Variants in CDK5RAP2 observed in about 807,000 individuals in gnomAD.
CDK5RAP2 encodes the protein CDK5 regulatory subunit associated protein 2.
CDK5RAP2 carries 147 observed loss-of-function variants against 232.9 expected under a neutral mutation model. The observed-to-expected ratio is 0.63, with a 90% CI of 0.55 to 0.72. The LOEUF is 0.72. Ranked by LOEUF, CDK5RAP2 falls within the 30% of genes least tolerant of loss-of-function variation. CDK5RAP2 has a pLI of 0.00. For missense variants in CDK5RAP2, 2,195 were observed against 2,231.5 expected (o/e 0.98, Z 0.33); for synonymous variants, 833 against 833.7 (o/e 1.00, Z 0.01).
intron 12 of CDK5RAP2, among the ~76,000 whole-genome samples, chr9:120,515,444 C>T (rs1381591431): frequency 1.3e-5 from 2 of 152,188 alleles, no homozygotes; most frequent in African/African-American, 4.8e-5. Flanking sequence ...TCTTGTATAA[C>T]ATTTTCATCT....
At chr9:120,462,068 A>T (rs1162045600) in intron 18 of CDK5RAP2, among the ~76,000 whole-genome samples, 1 of 152,232 alleles carries the variant, frequency 6.6e-6, no homozygotes, top group Non-Finnish European at 1.5e-5. Flanking sequence ...AAACAAAGGC[A>T]ACTGAGTTCA....
At chr9:120,390,143 T>C (rs917289458) in intron 36 of CDK5RAP2, 3 of 294,292 alleles carry the variant, frequency 1.0e-5, no homozygotes, top group Non-Finnish European at 2.0e-5. Flanking sequence ...GGGAGGGCAA[T>C]GGCGCAGGGA....
chr9:120,542,574 T>C (rs2041681008), intron 5 of CDK5RAP2, among the ~76,000 whole-genome samples: 1 of 151,884 alleles, frequency 6.6e-6, no homozygotes, highest in African/African-American at 2.4e-5. Flanking sequence ...ACAGATACTG[T>C]GTATATACAA....
chr9:120,422,214 T>C (rs1588291076), intron 26 of CDK5RAP2, among the ~76,000 whole-genome samples: 1 of 152,334 alleles, frequency 6.6e-6, no homozygotes. Flanking sequence ...GAATGGACTC[T>C]GAAGAATGAT....
chr9:120,407,047 G>A lies in CDK5RAP2; in HGVS notation c.4928C>T (p.Ser1643Phe), dbSNP rs897500351. ...GALTLAVQAV[S>F]IPEVPLQPDK... ...AGGCTGAAGGGGCACCTCAGGGATG[G>A]ACACGGCTTGGACAGCCAGAGTGAG... is the stretch of plus-strand genomic sequence containing the variant. Residue 1643 changes from serine (S) to phenylalanine (F), a missense_variant, in exon 32 of 38, where the codon TCC becomes TTC. Transcript: ENST00000349780. The A allele has an allele frequency of 1.4e-5, 22 of 1,614,036 alleles. No homozygotes were observed. Among genetic ancestry groups the A allele is most frequent in the Non-Finnish European group, 1.9e-5 (22 of 1,180,014 alleles).
rs1220602164 is a variant in CDK5RAP2 at position 120,389,775 on chromosome 9, T to C, written c.5591A>G (p.His1864Arg). The part of the protein sequence containing the change: ...KVIFDQLVVT[H>R]KILRKARGNL... ...TCCTCTGGCCTTCCGAAGGATTTTG[T>C]GGGTTACGACCACTGAGGAGAGAGC... Residue 1864 changes from histidine (H) to arginine (R), a missense_variant, in exon 37 of 38, where the codon CAC becomes CGC. Coordinates refer to ENST00000349780, the MANE Select transcript of CDK5RAP2 (RefSeq NM_018249.6). 6.2e-7 allele frequency: 1 copy of C among 1,614,120 alleles called. No individual in the cohort carries two copies. Among genetic ancestry groups the C allele is most frequent in the Non-Finnish European group, 8.5e-7 (1 of 1,179,982 alleles).
intron 24 of CDK5RAP2, among the ~76,000 whole-genome samples, chr9:120,437,825 A>G (rs909483400): frequency 6.6e-6 from 1 of 152,240 alleles, no homozygotes; most frequent in African/African-American, 2.4e-5. Flanking sequence ...CTTCAAAAAT[A>G]CTATTCTGAA....
chr9:120,501,590 T>C (rs2039577987), intron 12 of CDK5RAP2, among the ~76,000 whole-genome samples: 1 of 152,208 alleles, frequency 6.6e-6, no homozygotes, highest in Non-Finnish European at 1.5e-5. Context: ...GTGGAGTCTA[T>C]GTCCCCTCCT....
rs2036603652 is a variant in CDK5RAP2 at position 120,453,782 on chromosome 9, TTTTACCATCA to T, written c.2457_2466del (p.Asp820LeufsTer27). The T allele has an allele frequency of 6.2e-7, 1 of 1,614,176 alleles. No homozygotes were observed. Among genetic ancestry groups the T allele is most frequent in the Admixed American group, 1.7e-5 (1 of 60,030 alleles). On this transcript the variant is annotated frameshift_variant, in exon 21 of 38. Coordinates refer to ENST00000349780, the MANE Select transcript of CDK5RAP2 (RefSeq NM_018249.6). LOFTEE classifies it high-confidence loss of function. Reference sequence around the variant, plus strand: ...CCTTTTTGCTTAGGTGTCTTCTCAGTTTTACCATCAAGGTGTTCTCCAGAAACTTCCTGCT... The same window carrying T: ...CCTTTTTGCTTAGGTGTCTTCTCAGTAGGTGTTCTCCAGAAACTTCCTGCT...
intron 3 of CDK5RAP2, among the ~76,000 whole-genome samples, chr9:120,554,998 G>C (rs2042172673): frequency 1.3e-5 from 2 of 152,042 alleles, no homozygotes; most frequent in Admixed American, 1.3e-4. Flanking sequence ...CATGTACTAA[G>C]ACATAAGACA....
At chr9:120,520,111 A>T (rs1184538081) in intron 11 of CDK5RAP2, among the ~76,000 whole-genome samples, 1 of 152,226 alleles carries the variant, frequency 6.6e-6, no homozygotes, top group East Asian at 1.9e-4. Flanking sequence ...TCTATTTTTT[A>T]AATTATTATT....
At position 120,394,502 on chromosome 9, in the gene CDK5RAP2, A is replaced by G. The variant is rs1342147139; in HGVS notation, c.5578+10T>C. ...GGTCAGGCATAGCGGCCACCCCCACACTCACTCACATTGATCAAAGATGAC... is the reference window on the plus strand; with the variant it reads ...GGTCAGGCATAGCGGCCACCCCCACGCTCACTCACATTGATCAAAGATGAC... On this transcript the variant is annotated intron_variant, in intron 36 of 37. Transcript: ENST00000349780. 2 of 1,613,914 alleles carry G rather than the reference A, an allele frequency of 1.2e-6. No individual in the cohort carries two copies. The highest frequency in any genetic ancestry group is 8.5e-7 in the Non-Finnish European group (1 of 1,179,892).
chr9:120,545,598 T>A, intron 5 of CDK5RAP2, 116 bp downstream of exon 5: 1 of 814,600 alleles, frequency 1.2e-6, no homozygotes, highest in Non-Finnish European at 2.2e-6. Context: ...AAAAACCTCC[T>A]TGCAGTCCTC....
chr9:120,410,495 G>A (rs16909766), intron 29 of CDK5RAP2, among the ~76,000 whole-genome samples: 3,770 of 152,158 alleles, frequency 0.025, 165 homozygotes, highest in African/African-American at 0.086. Flanking sequence ...TAACTTTATC[G>A]TGGCTGAGGT....
intron 24 of CDK5RAP2, 57 bp downstream of exon 24, chr9:120,439,342 G>T: frequency 7.2e-7 from 1 of 1,395,280 alleles, no homozygotes; most frequent in Non-Finnish European, 1.0e-6. Flanking sequence ...CTCCCACCTA[G>T]TGGCAATACT....
chr9:120,425,729 G>A (rs1017904615), intron 25 of CDK5RAP2, among the ~76,000 whole-genome samples: 2 of 152,190 alleles, frequency 1.3e-5, no homozygotes, highest in Admixed American at 1.3e-4. Context: ...TCTCCTACAT[G>A]ACCCAGATGT....
At chr9:120,475,100 C>T (rs2037929914) in intron 15 of CDK5RAP2, among the ~76,000 whole-genome samples, 1 of 152,198 alleles carries the variant, frequency 6.6e-6, no homozygotes, top group Non-Finnish European at 1.5e-5. Context: ...CTAGTTTCAA[C>T]ACAACCCTGT....
At chr9:120,500,749 T>C (rs1418858686) in intron 12 of CDK5RAP2, among the ~76,000 whole-genome samples, 1 of 152,126 alleles carries the variant, frequency 6.6e-6, no homozygotes, top group East Asian at 1.9e-4. Context: ...CAGGGCAAGG[T>C]CTAGCTACCA....
intron 14 of CDK5RAP2, among the ~76,000 whole-genome samples, chr9:120,485,718 A>C (rs2038564918): frequency 6.6e-6 from 1 of 152,258 alleles, no homozygotes; most frequent in African/African-American, 2.4e-5. Flanking sequence ...CTTATATTAC[A>C]GGTTAATGTG....
Sources: gnomAD v4.1 joint callset for allele counts (sites outside exome capture counted in the v4.1 genomes callset) on GRCh38, gnomAD v4.1.1 for gene constraint, MANE v1.5 for transcripts, NCBI Gene and HGNC (gene_info 2026-07-23, HGNC 2026-07-21) for gene names.